CD47: variants seen among roughly 807,000 people sequenced by gnomAD.
The protein encoded by CD47 is leukocyte surface antigen CD47.
In CD47, 11 loss-of-function variants were observed where a neutral mutation model predicts 44.6. The ratio of observed to expected loss-of-function variants is 0.25; its 90% CI spans 0.16 to 0.41. The LOEUF is 0.41. Ranked by LOEUF, CD47 falls within the 10% of genes least tolerant of loss-of-function variation. CD47 has a pLI of 1.00. For synonymous variants in CD47, 140 were observed against 136.3 expected (o/e 1.03, Z -0.19); for missense variants, 306 against 386.7 (o/e 0.79, Z 1.75).
chr3:108,059,571 T>C, intron 4 of CD47, 27 bp from the exon 5 acceptor site: 1 of 1,179,500 alleles, frequency 8.5e-7, no homozygotes, highest in Non-Finnish European at 1.2e-6. Context: ...ACATTTAAAA[T>C]ATTTTCCTAC....
Position 108,060,836 on chromosome 3 carries a change from G to C in CD47, c.507C>G (p.Ser169=). The part of the protein sequence containing the change: ...QFGIKTLKYR[S]GGMDEKTIAL... ...CAATTGTTTTCTCATCCATACCACCGGATCTATATTTAAGTGCTTAAAAAA... is the reference window on the plus strand; with the variant it reads ...CAATTGTTTTCTCATCCATACCACCCGATCTATATTTAAGTGCTTAAAAAA... Residue 169 remains serine (S), a synonymous_variant, in exon 4 of 11, where the codon TCC becomes TCG. Coordinates refer to ENST00000361309, the MANE Select transcript of CD47 (RefSeq NM_001777.4). 1 of 1,609,060 alleles carries C rather than the reference G, an allele frequency of 6.2e-7. No individual in the cohort carries two copies. Among genetic ancestry groups the C allele is most frequent in the Non-Finnish European group, 8.5e-7 (1 of 1,176,024 alleles).
chr3:108,050,577 C>A lies in CD47; in HGVS notation c.934+1G>T. 8.3e-7 allele frequency: 1 copy of A among 1,207,570 alleles called. No homozygotes were observed. Among genetic ancestry groups the A allele is most frequent in the East Asian group, 2.5e-5 (1 of 39,700 alleles). 74.8% of individuals were successfully genotyped at this position (1,207,570 alleles called of 1,614,324 possible). On this transcript the variant is annotated splice_donor_variant, in intron 9 of 10. Transcript: ENST00000361309. LOFTEE classifies it high-confidence loss of function. Reference sequence around the variant, plus strand: ...GGATTAAGAGTGAAATAACCACATACCATTAAGGGGTTCCTCTACAGCTTT... The same window carrying A: ...GGATTAAGAGTGAAATAACCACATAACATTAAGGGGTTCCTCTACAGCTTT...
intron 10 of CD47, among the ~76,000 whole-genome samples, chr3:108,047,658 C>G (rs191511349): frequency 6.6e-6 from 1 of 152,254 alleles, no homozygotes; most frequent in East Asian, 1.9e-4. Context: ...AACATCTGAT[C>G]AGCTGTAGAT....
In CD47 at chr3:108,046,590, A is replaced by C. The variant is rs2078725696; in HGVS notation, c.*698T>G. ...GGTTTCAAGGGGTTATGTGAATAAA[A>C]GGAAAACATATCCATCAATAAAAGT... On this transcript the variant is annotated 3_prime_UTR_variant, in exon 11 of 11. Coordinates refer to ENST00000361309, the MANE Select transcript of CD47 (RefSeq NM_001777.4). 1 of 152,646 alleles carries C rather than the reference A, an allele frequency of 6.6e-6. No homozygotes were observed. The highest frequency in any genetic ancestry group is 2.1e-4 in the South Asian group (1 of 4,828). 9.5% of individuals were successfully genotyped at this position (152,646 alleles called of 1,614,324 possible). A position where few individuals can be genotyped will look rare whatever the true frequency, so the allele number is the denominator to read the frequency against.
chr3:108,062,819 C>CTT (rs534047169), intron 3 of CD47, among the ~76,000 whole-genome samples: 26 of 131,790 alleles, frequency 2.0e-4, no homozygotes, highest in South Asian at 7.3e-4. Context: ...TTTTTGAATT[C>CTT]TTTTTTTTTT....
intron 1 of CD47, among the ~76,000 whole-genome samples, chr3:108,086,674 G>A (rs2079527828): frequency 6.6e-6 from 1 of 152,186 alleles, no homozygotes; most frequent in African/African-American, 2.4e-5. Flanking sequence ...AGAAAGCAGA[G>A]AAGGCAACAA....
At chr3:108,090,771 C>A in intron 1 of CD47, 92 bp downstream of exon 1, 1 of 1,233,972 alleles carries the variant, frequency 8.1e-7, no homozygotes, top group Admixed American at 3.4e-5. Flanking sequence ...CCACCCTCTT[C>A]AGGGCGCCGC....
intron 10 of CD47, among the ~76,000 whole-genome samples, chr3:108,049,086 G>C (rs2078774016): frequency 2.1e-5 from 3 of 144,134 alleles, no homozygotes; most frequent in East Asian, 2.1e-4. Flanking sequence ...AAAAGCTGAG[G>C]ACGAAACATC....
chr3:108,047,349 A>G (rs2078736733), intron 10 of CD47, 57 bp from the exon 11 acceptor site: 1 of 1,432,316 alleles, frequency 7.0e-7, no homozygotes, highest in Non-Finnish European at 9.7e-7. Flanking sequence ...TCTATCCATT[A>G]AAAAGTTGAC....
At chr3:108,064,875 T>C (rs1298883004) in intron 3 of CD47, among the ~76,000 whole-genome samples, 6 of 152,232 alleles carry the variant, frequency 3.9e-5, no homozygotes, top group Admixed American at 3.3e-4. Context: ...TAAATGAATA[T>C]TGTTTTCAGT....
intron 8 of CD47, 167 bp from the exon 9 acceptor site, chr3:108,050,769 C>A: frequency 4.2e-6 from 2 of 481,578 alleles, no homozygotes; most frequent in South Asian, 2.6e-5. Context: ...AATGTTAAAG[C>A]AAAGCTTGCC....
intron 1 of CD47, among the ~76,000 whole-genome samples, chr3:108,086,952 A>G (rs757338961): frequency 3.9e-5 from 6 of 152,170 alleles, no homozygotes; most frequent in Non-Finnish European, 8.8e-5. Context: ...ACGGAAGAGA[A>G]TGAGACGAAG....
intron 3 of CD47, among the ~76,000 whole-genome samples, chr3:108,064,539 C>T (rs1371185221): frequency 6.6e-6 from 1 of 152,084 alleles, no homozygotes; most frequent in East Asian, 1.9e-4. Context: ...AATGAAATTA[C>T]CAAGTCAACT....
chr3:108,062,608 T>TTATG (rs1465429306), intron 3 of CD47, among the ~76,000 whole-genome samples: 1 of 151,912 alleles, frequency 6.6e-6, no homozygotes, highest in East Asian at 1.9e-4. Flanking sequence ...AAAGGTTGAC[T>TTATG]TATGTTCTTC....
rs146476512 is a variant in CD47, at chr3:108,048,371, GTTTTTTTTTTTTT to G, written c.968-1092_968-1080del. Among the ~76,000 whole-genome samples the G allele has an allele frequency of 1.4e-4, 11 of 79,582 alleles. No individual in the cohort carries two copies. In the East Asian group the frequency reaches 2.5e-3, roughly 18 times the overall value. The allele number at this position is 79,582 out of a possible 152,430, so 52.2% of individuals were successfully genotyped here. A position where few individuals can be genotyped will look rare whatever the true frequency, so the allele number is the denominator to read the frequency against. Reference sequence around the variant, plus strand: ...TTGTTCACCAATGCATGACTGGAGTGTTTTTTTTTTTTTTTTTTTTTTTTTTTTCTTGAGACGG... The same window carrying G: ...TTGTTCACCAATGCATGACTGGAGTGTTTTTTTTTTTTTTTCTTGAGACGG... On this transcript the variant is annotated intron_variant, in intron 10 of 10. Coordinates refer to ENST00000361309, the MANE Select transcript of CD47 (RefSeq NM_001777.4).
In CD47 at chr3:108,057,569, G is replaced by T; in HGVS notation, c.785C>A (p.Ala262Glu). 1.4e-6 allele frequency: 2 copies of T among 1,441,824 alleles called. No homozygotes were observed. The highest frequency in any genetic ancestry group is 1.4e-5 in the African/African-American group (1 of 71,226). The allele number at this position is 1,441,824 out of a possible 1,614,324, so 89.3% of individuals were successfully genotyped here. The change falls in exon 7 of 11, where the codon GCG becomes GAG. Residue 262 changes from alanine (A) to glutamate (E), a missense_variant and splice_region_variant. Physicochemically the swap from Ala to Glu is moderately radical, Grantham distance 107 (BLOSUM62 -1). Around this residue, in one of 5 missense-constraint regions of CD47, gnomAD observed 131 missense variants for 135.3 expected, o/e 0.97. Transcript: ENST00000361309. The stretch of plus-strand genomic sequence containing the variant: ...AAGAGGGCCATGCATTGGTATACAC[G>T]CTGTAAAAACAAATAAAATTCTGTA... ...AVVGLSLCIA[A>E]CIPMHGPLLI...
At chr3:108,047,364 T>TA in intron 10 of CD47, 72 bp from the exon 11 acceptor site, 2 of 1,250,550 alleles carry the variant, frequency 1.6e-6, no homozygotes, top group South Asian at 1.3e-5. Flanking sequence ...GTTGACACAT[T>TA]AAAAAAAGTT....
In CD47 at chr3:108,090,904, C is replaced by T. The variant is rs983491759; in HGVS notation, c.5G>A (p.Trp2Ter). 5 of 1,479,582 alleles carry T rather than the reference C, an allele frequency of 3.4e-6. No homozygotes were observed. Among genetic ancestry groups the T allele is most frequent in the Non-Finnish European group, 4.5e-6 (5 of 1,120,220 alleles). 91.7% of individuals were successfully genotyped at this position (1,479,582 alleles called of 1,614,324 possible). M[W>*]PLVAALLLGS... ...CAGCAACAGCGCCGCTACCAGGGGC[C>T]ACATCTCCGCGCCCGCCGCGGGGTC... The change falls in exon 1 of 11, where the codon TGG becomes TAG. Residue 2 changes from tryptophan (W) to a stop codon, truncating the protein, a stop_gained. Transcript: ENST00000361309. LOFTEE classifies it high-confidence loss of function.
chr3:108,046,671 T>G lies in CD47; in HGVS notation c.*617A>C, dbSNP rs558212828. 7 of 152,554 alleles carry G rather than the reference T, an allele frequency of 4.6e-5. No individual in the cohort carries two copies. Among genetic ancestry groups the G allele is most frequent in the East Asian group, 1.9e-4 (1 of 5,192 alleles). 9.5% of individuals were successfully genotyped at this position (152,554 alleles called of 1,614,324 possible). A position where few individuals can be genotyped will look rare whatever the true frequency, so the allele number is the denominator to read the frequency against. ...GTTTGTTGAAGGGGGAATGTGGGAA[T>G]GGCAACCCCCAAGAATGAGGACCAC... On this transcript the variant is annotated 3_prime_UTR_variant, in exon 11 of 11. Transcript: ENST00000361309.
Sources: gnomAD v4.1 joint callset for allele counts (sites outside exome capture counted in the v4.1 genomes callset) on GRCh38, gnomAD v4.1.1 for gene constraint, gnomAD v4.1.1 regional missense constraint, MANE v1.5 for transcripts, NCBI Gene and HGNC (gene_info 2026-07-23, HGNC 2026-07-21) for gene names.